MGRN1: variants seen among roughly 807,000 people sequenced by gnomAD.
MGRN1 encodes the protein E3 ubiquitin-protein ligase MGRN1.
MGRN1 carries 29 observed loss-of-function variants against 69.2 expected under a neutral mutation model. The observed-to-expected ratio is 0.42, with a 90% confidence interval of 0.31 to 0.57. The LOEUF is 0.57. Among genes scored for constraint, MGRN1 ranks in the 20% least tolerant of loss-of-function variants. The pLI, the probability that MGRN1 is intolerant of heterozygous loss-of-function variation, is 0.15. For missense variants in MGRN1, 998 were observed against 796.2 expected, an observed-to-expected ratio of 1.25 and a Z score of -3.05; for synonymous variants, 470 against 344.2, an observed-to-expected ratio of 1.37 and a Z score of -4.04.
chr16:4,638,524 T>C lies in MGRN1; in HGVS notation c.89-11841T>C, dbSNP rs578094956. Among the ~76,000 whole-genome samples, 6 of 151,764 alleles carry C rather than the reference T, an allele frequency of 4.0e-5. No individual in the cohort carries two copies. The East Asian group carries it at 1.2e-3, about 29-fold the overall frequency. ...TGACTTCCCCAGCTGGGTGGGGGAC[T>C]GGTAGTAGGCAGGGAAGCATGGTAG... On this transcript the variant is annotated intron_variant, in intron 1 of 16. Coordinates refer to ENST00000262370, the MANE Select transcript of MGRN1 (RefSeq NM_015246.4).
chr16:4,650,510 G>C, intron 2 of MGRN1, 27 bp downstream of exon 2: 1 of 1,551,600 alleles, frequency 6.4e-7, no homozygotes, highest in Non-Finnish European at 8.8e-7. Context: ...CTGTCTCATG[G>C]GGCTGTGGGG....
intron 1 of MGRN1, among the ~76,000 whole-genome samples, chr16:4,644,949 C>G (rs755464776): frequency 1.3e-5 from 2 of 151,988 alleles, no homozygotes; most frequent in Non-Finnish European, 2.9e-5. Flanking sequence ...TTCCTTGTCT[C>G]TAATCTTTTA....
At chr16:4,641,021 C>T (rs76197627) in intron 1 of MGRN1, among the ~76,000 whole-genome samples, 3,341 of 152,350 alleles carry the variant, frequency 0.022, 64 homozygotes, top group Middle Eastern at 0.065. Context: ...GAGGGAGAGC[C>T]TGGTGGGTGT....
intron 4 of MGRN1, 126 bp from the exon 5 acceptor site, chr16:4,657,120 T>TC (rs1489818159): frequency 1.1e-6 from 1 of 875,646 alleles, no homozygotes; most frequent in Non-Finnish European, 1.8e-6. Flanking sequence ...TGTTTGCTGT[T>TC]CCCCATGAGA....
At chr16:4,642,090 A>G (rs11640681) in intron 1 of MGRN1, among the ~76,000 whole-genome samples, 46,253 of 148,694 alleles carry the variant, frequency 0.31, 7,253 homozygotes, top group Admixed American at 0.36. Flanking sequence ...GTAACCCTGC[A>G]CTGTCATGCA....
chr16:4,674,325 G>T (rs1176131535), intron 10 of MGRN1, among the ~76,000 whole-genome samples: 1 of 152,034 alleles, frequency 6.6e-6, no homozygotes, highest in East Asian at 1.9e-4. Flanking sequence ...GTCTCGCTCT[G>T]TCACCCAGGC....
chr16:4,626,593 C>T lies in MGRN1; in HGVS notation c.88+1545C>T, dbSNP rs140077825. 8.1e-4 allele frequency among the ~76,000 whole-genome samples: 124 copies of T among 152,322 alleles called. 1 individual carries two copies. The highest frequency in any genetic ancestry group is 1.3e-3 in the Non-Finnish European group (86 of 68,030). On this transcript the variant is annotated intron_variant, in intron 1 of 16. Transcript: ENST00000262370. Reference sequence around the variant, plus strand: ...GGAAGATAAGTGACTAGCTAATGACCATAATCATAGTAAGCAGTGGCATGA... The same window carrying T: ...GGAAGATAAGTGACTAGCTAATGACTATAATCATAGTAAGCAGTGGCATGA...
chr16:4,677,835 G>GC (rs1202210721), intron 11 of MGRN1, among the ~76,000 whole-genome samples: 1 of 88,962 alleles, frequency 1.1e-5, no homozygotes, highest in Non-Finnish European at 2.5e-5. Flanking sequence ...GGAGCCAGGT[G>GC]CTTTTTTTTT....
At chr16:4,686,493 C>A in intron 16 of MGRN1, 1 of 1,387,128 alleles carries the variant, frequency 7.2e-7, no homozygotes, top group Non-Finnish European at 9.3e-7. Flanking sequence ...AGAAAGTGGC[C>A]TCCTGGGGGG....
At chr16:4,646,108 G>A (rs944347976) in intron 1 of MGRN1, among the ~76,000 whole-genome samples, 6 of 141,014 alleles carry the variant, frequency 4.3e-5, no homozygotes, top group East Asian at 1.9e-4. Flanking sequence ...CGGCTCCGTC[G>A]GGGGGCTCTG....
intron 1 of MGRN1, among the ~76,000 whole-genome samples, chr16:4,626,710 A>G (rs988007518): frequency 6.6e-6 from 1 of 152,234 alleles, no homozygotes; most frequent in Non-Finnish European, 1.5e-5. Flanking sequence ...ACAGAATAAC[A>G]TACATGTCAT....
At chr16:4,654,003 C>T (rs1480150015) in intron 4 of MGRN1, among the ~76,000 whole-genome samples, 5 of 152,196 alleles carry the variant, frequency 3.3e-5, no homozygotes, top group African/African-American at 7.2e-5. Context: ...CCACCTGCCT[C>T]GGCCTCCCAA....
chr16:4,675,261 A>AG (rs1391592862), intron 10 of MGRN1, among the ~76,000 whole-genome samples: 42 of 152,134 alleles, frequency 2.8e-4, no homozygotes, highest in Non-Finnish European at 3.8e-4. Context: ...GCAGAGCCAC[A>AG]GGGCCCTGCC....
chr16:4,661,230 C>T (rs1399100933), intron 5 of MGRN1, among the ~76,000 whole-genome samples: 4 of 152,142 alleles, frequency 2.6e-5, no homozygotes, highest in African/African-American at 7.2e-5. Flanking sequence ...CCTCGTACCT[C>T]GGCCTCCCAG....
At chr16:4,661,782 G>A (rs191576338) in intron 5 of MGRN1, among the ~76,000 whole-genome samples, 3 of 152,354 alleles carry the variant, frequency 2.0e-5, no homozygotes, top group East Asian at 1.9e-4. Flanking sequence ...ACCCTTCCTC[G>A]TGAGATGCGG....
chr16:4,635,700 T>C (rs1020723833), intron 1 of MGRN1, among the ~76,000 whole-genome samples: 1 of 151,588 alleles, frequency 6.6e-6, no homozygotes, highest in African/African-American at 2.4e-5. Context: ...AGTGGCGCAA[T>C]ATTGGCTCAC....
intron 8 of MGRN1, among the ~76,000 whole-genome samples, chr16:4,670,984 G>A (rs1343672244): frequency 6.6e-6 from 1 of 152,242 alleles, no homozygotes; most frequent in Non-Finnish European, 1.5e-5. Context: ...AACCAGAGAG[G>A]CTTCATGCCT....
Position 4,671,348 on chromosome 16 carries a change from T to A in MGRN1, c.727-43T>A. 4 of 1,597,790 alleles carry A rather than the reference T, an allele frequency of 2.5e-6. No homozygotes were observed. The South Asian group carries it at 3.3e-5, about 13-fold the overall frequency. The stretch of plus-strand genomic sequence containing the variant: ...AGGTGGGTATGGAGGAGCCCTCATA[T>A]GGCAGTTGGCGAGGGCCCAGTGAGC... On this transcript the variant is annotated intron_variant, in intron 8 of 16. Coordinates refer to ENST00000262370, the MANE Select transcript of MGRN1 (RefSeq NM_015246.4).
chr16:4,688,964 G>T lies in MGRN1; in HGVS notation c.*56G>T, dbSNP rs1213975767. On this transcript the variant is annotated 3_prime_UTR_variant, in exon 17 of 17. Transcript: ENST00000262370. ...TCGGCTCCCCAGACTTTGCCGAGGGGCTGCTCCGGACCCCGTTGTGAGCCG... is the reference window on the plus strand; with the variant it reads ...TCGGCTCCCCAGACTTTGCCGAGGGTCTGCTCCGGACCCCGTTGTGAGCCG... 22 of 1,494,908 alleles carry T rather than the reference G, an allele frequency of 1.5e-5. No homozygotes were observed. The highest frequency in any genetic ancestry group is 1.8e-5 in the Non-Finnish European group (20 of 1,114,670). 92.6% of individuals were successfully genotyped at this position (1,494,908 alleles called of 1,614,324 possible). A position where few individuals can be genotyped will look rare whatever the true frequency, so the allele number is the denominator to read the frequency against.
Sources: gnomAD v4.1 joint callset for allele counts (sites outside exome capture counted in the v4.1 genomes callset) on GRCh38, gnomAD v4.1.1 for gene constraint, MANE v1.5 for transcripts, NCBI Gene and HGNC (gene_info 2026-07-23, HGNC 2026-07-21) for gene names.